COL5A3: variants seen among roughly 807,000 people sequenced by gnomAD.
COL5A3 encodes collagen alpha-3(V) chain.
A neutral mutation model predicts 250.0 loss-of-function variants in COL5A3; 172 were observed. The ratio of observed to expected loss-of-function variants is 0.69; its 90% CI spans 0.61 to 0.78. The LOEUF is 0.78. Ranked by LOEUF, COL5A3 falls within the 30% of genes least tolerant of loss-of-function variation. The probability of loss-of-function intolerance (pLI) is 0.00; values close to 1 mark genes in which losing one functional copy is unlikely to be tolerated. For synonymous variants in COL5A3, 937 were observed against 900.4 expected, an observed-to-expected ratio of 1.04 and a Z score of -0.73; for missense variants, 2,340 against 2,334.4, an observed-to-expected ratio of 1.00 and a Z score of -0.05.
At chr19:9,979,713 G>C (rs2086977927) in intron 37 of COL5A3, 126 bp downstream of exon 37, 1 of 923,320 alleles carries the variant, frequency 1.1e-6, no homozygotes, top group South Asian at 1.6e-5. Flanking sequence ...TTGAACCTGG[G>C]AGGCAAAGGT....
intron 49 of COL5A3, 30 bp from the exon 50 acceptor site, chr19:9,973,653 G>C: frequency 1.9e-6 from 3 of 1,611,654 alleles, no homozygotes; most frequent in Non-Finnish European, 2.5e-6. Context: ...AGTGGGGAGA[G>C]GTCCCATCCT....
Position 9,968,458 on chromosome 19 carries a change from G to C in COL5A3, c.4241C>G (p.Pro1414Arg), listed in dbSNP as rs199706331. ...ATCTCCTTTCTCACCAGCTTCTCCCGGGGGGCCAATGAGACCGATCAATCC... is the reference window on the plus strand; with the variant it reads ...ATCTCCTTTCTCACCAGCTTCTCCCCGGGGGCCAATGAGACCGATCAATCC... ...HIGLIGLIGP[P>R]GEAGEKGDQG... The change falls in exon 59 of 67, where the codon CCG becomes CGG. Residue 1414 changes from proline to arginine, a missense_variant. Around this residue, in one of 3 missense-constraint regions of COL5A3, gnomAD observed 1,179 missense variants for 1,162.6 expected, o/e 1.01. Transcript: ENST00000264828. The surrounding 1 kb of genome is among the most constrained non-coding windows in gnomAD (Gnocchi z 4.1). The C allele has an allele frequency of 1.9e-6, 3 of 1,586,068 alleles. No individual in the cohort carries two copies. The highest frequency in any genetic ancestry group is 1.7e-6 in the Non-Finnish European group (2 of 1,172,696).
In COL5A3 at chr19:9,973,757, T is replaced by G. The variant is rs1266776431; in HGVS notation, c.3611A>C (p.Lys1204Thr). ...CAGCCCCTGCCTTCCCTCACTCACC[T>G]TCTCACCCACGGCGCCTGGCTGACC... ...GVGQPGAVGE[K>T]GERGDAGDPG... is the part of the protein sequence containing the mutation. Residue 1204 changes from lysine (K) to threonine (T), a missense_variant and splice_region_variant, in exon 49 of 67, where the codon AAG becomes ACG. Around this residue, in one of 3 missense-constraint regions of COL5A3, gnomAD observed 1,179 missense variants for 1,162.6 expected, o/e 1.01. Coordinates refer to ENST00000264828, the MANE Select transcript of COL5A3 (RefSeq NM_015719.4). 1 of 1,613,876 alleles carries G rather than the reference T, an allele frequency of 6.2e-7. No homozygotes were observed. Among genetic ancestry groups the G allele is most frequent in the Admixed American group, 1.7e-5 (1 of 59,998 alleles).
chr19:9,961,147 A>G (rs2086667564), intron 65 of COL5A3, among the ~76,000 whole-genome samples: 1 of 151,844 alleles, frequency 6.6e-6, no homozygotes, highest in Non-Finnish European at 1.5e-5. Context: ...TGCTTCATCC[A>G]CCAATCCAGG....
rs941884713 is a variant in COL5A3, at chr19:9,979,874, C to G, written c.2677G>C (p.Gly893Arg). The change falls in exon 37 of 67, where the codon GGG (glycine) becomes CGG (arginine). Residue 893 changes from glycine (G) to arginine (R), a missense_variant. By Grantham distance (125) the Gly-to-Arg change is moderately radical. This residue lies in a region of COL5A3 where 1,179 missense variants were observed against 1,162.6 expected (regional missense o/e 1.01). Transcript: ENST00000264828. ...CTCTGTCCAGGGTGCCCTGGTCGCC[C>G]ATCTTTACCTTGGTGACCCTGGGGG... Reference protein sequence around the residue: ...KGPPGHQGKDGRPGHPGQRGE... With the variant: ...KGPPGHQGKDRRPGHPGQRGE... The G allele has an allele frequency of 6.4e-7, 1 of 1,574,514 alleles. No homozygotes were observed.
At chr19:9,982,603 A>G (rs60587399) in intron 31 of COL5A3, among the ~76,000 whole-genome samples, 11,811 of 152,162 alleles carry the variant, frequency 0.078, 667 homozygotes, top group African/African-American at 0.17. Context: ...ACTGCCTGGC[A>G]CACGGTGAGT....
intron 16 of COL5A3, among the ~76,000 whole-genome samples, chr19:9,995,096 C>G (rs1367764169): frequency 2.0e-5 from 3 of 151,948 alleles, no homozygotes; most frequent in Non-Finnish European, 4.4e-5. Flanking sequence ...TTAGTAGAGA[C>G]GGGGTTTCCC....
chr19:9,993,820 AAGCCCAAGAGTCAAGGATG>A lies in COL5A3; in HGVS notation c.1588-33_1588-15del. 3.1e-6 allele frequency: 5 copies of A among 1,613,874 alleles called. No individual in the cohort carries two copies. Among genetic ancestry groups the A allele is most frequent in the Non-Finnish European group, 4.2e-6 (5 of 1,179,786 alleles). On this transcript the variant is annotated splice_polypyrimidine_tract_variant and intron_variant, in intron 16 of 66. Transcript: ENST00000264828. ...TCCAGGGCGGCCCTATGGAGAAAGT[AAGCCCAAGAGTCAAGGATG>A]AGCCTTCCCTGTACCCCTCCACCAA...
Position 9,971,011 on chromosome 19 carries a change from TG to T in COL5A3, c.3845del (p.Pro1282GlnfsTer111). 1 of 1,551,796 alleles carries T rather than the reference TG, an allele frequency of 6.4e-7. No individual in the cohort carries two copies. Among genetic ancestry groups the T allele is most frequent in the Non-Finnish European group, 8.7e-7 (1 of 1,154,022 alleles). ...CATCACCAGGGTCTCCCTTCTCCCC[TG>T]GGGAACCATCTATGCCCTGCATGGG... ...DPGVSGIDGS[P>X]GEKGDPGDVG... On this transcript the variant is annotated frameshift_variant, in exon 53 of 67. Coordinates refer to ENST00000264828, the MANE Select transcript of COL5A3 (RefSeq NM_015719.4). LOFTEE classifies it high-confidence loss of function.
chr19:9,970,519 T>TG (rs1310454386), intron 54 of COL5A3, 103 bp downstream of exon 54: 1 of 524,304 alleles, frequency 1.9e-6, no homozygotes, highest in African/African-American at 3.5e-5. Context: ...TGTGGGTGTG[T>TG]GGGGTCTGTG....
chr19:9,985,738 T>C, intron 31 of COL5A3, 104 bp downstream of exon 31: 1 of 1,046,312 alleles, frequency 9.6e-7, no homozygotes, highest in Non-Finnish European at 1.5e-6. Context: ...TCAGTGACCC[T>C]TGGGGTGGGC....
chr19:9,977,794 A>G, intron 41 of COL5A3, 93 bp from the exon 42 acceptor site: 4 of 1,047,544 alleles, frequency 3.8e-6, no homozygotes, highest in Non-Finnish European at 5.2e-6. Context: ...TTCTGAGGTT[A>G]CCAGGATTGT....
At chr19:9,989,794 T>G (rs982757289) in intron 24 of COL5A3, among the ~76,000 whole-genome samples, 1 of 152,138 alleles carries the variant, frequency 6.6e-6, no homozygotes, top group Admixed American at 6.5e-5. Flanking sequence ...GTAACTATAG[T>G]CAATTATATG....
In COL5A3 at chr19:10,006,017, A is replaced by G. The variant is rs368455757; in HGVS notation, c.248-32T>C. On this transcript the variant is annotated intron_variant, in intron 2 of 66. Coordinates refer to ENST00000264828, the MANE Select transcript of COL5A3 (RefSeq NM_015719.4). ...GGGCAGAGGGAACAAGGCAGCTCAGAGGGCCCAGCAGTGCCTCCCTCCGGG... is the reference window on the plus strand; with the variant it reads ...GGGCAGAGGGAACAAGGCAGCTCAGGGGGCCCAGCAGTGCCTCCCTCCGGG... 17 of 1,610,398 alleles carry G rather than the reference A, an allele frequency of 1.1e-5. No homozygotes were observed. The African/African-American group carries it at 2.3e-4, about 22-fold the overall frequency.
chr19:9,979,564 T>C (rs1043302579), intron 37 of COL5A3, 147 bp from the exon 38 acceptor site: 2 of 830,320 alleles, frequency 2.4e-6, no homozygotes. Context: ...CAGAGGCAGG[T>C]GGGTCACTTG....
At chr19:10,003,438 A>G in intron 6 of COL5A3, 127 bp downstream of exon 6, 4 of 942,636 alleles carry the variant, frequency 4.2e-6, no homozygotes, top group Non-Finnish European at 6.6e-6. Context: ...GAAAAAGATC[A>G]TAGATGAGGG....
intron 40 of COL5A3, 119 bp from the exon 41 acceptor site, chr19:9,978,746 G>A (rs1183224455): frequency 1.1e-6 from 1 of 918,598 alleles, no homozygotes; most frequent in African/African-American, 1.7e-5. Flanking sequence ...TGAGCTTTGA[G>A]GGGTCTGCCT....
chr19:9,991,907 G>T, intron 22 of COL5A3, 66 bp from the exon 23 acceptor site: 1 of 1,578,232 alleles, frequency 6.3e-7, no homozygotes, highest in South Asian at 1.1e-5. Context: ...TAGTGAAATT[G>T]ACTTGGGGGG....
rs934860862 is a variant in COL5A3, at chr19:10,009,015, G to T, written c.88+1283C>A. Among the ~76,000 whole-genome samples, 3 of 152,088 alleles carry T rather than the reference G, an allele frequency of 2.0e-5. No homozygotes were observed. Among genetic ancestry groups the T allele is most frequent in the Non-Finnish European group, 4.4e-5 (3 of 67,994 alleles). ...CTGGACACGGTGTTTCACATTCCTGGAGTCCCAGGGGACTTATATTCAGAG... is the reference window on the plus strand; with the variant it reads ...CTGGACACGGTGTTTCACATTCCTGTAGTCCCAGGGGACTTATATTCAGAG... On this transcript the variant is annotated intron_variant, in intron 1 of 66. Transcript: ENST00000264828. The surrounding 1 kb of genome is among the most constrained non-coding windows in gnomAD (Gnocchi z 4.4).
Sources: gnomAD v4.1 joint callset for allele counts (sites outside exome capture counted in the v4.1 genomes callset) on GRCh38, gnomAD v4.1.1 for gene constraint, gnomAD v4.1.1 regional missense constraint, Gnocchi (gnomAD v3.1) non-coding constraint, MANE v1.5 for transcripts, NCBI Gene and HGNC (gene_info 2026-07-23, HGNC 2026-07-21) for gene names.